MLXIPL: variants seen among roughly 807,000 people sequenced by gnomAD.
MLXIPL encodes the protein MLX interacting protein like.
MLXIPL carries 49 observed loss-of-function variants against 81.5 expected under a neutral mutation model. The ratio of observed to expected loss-of-function variants is 0.60; its 90% CI spans 0.48 to 0.76. MLXIPL has a LOEUF of 0.76. MLXIPL is among the 30% of genes least tolerant of loss of function. MLXIPL has a pLI of 0.00. For synonymous variants in MLXIPL, 466 were observed against 485.5 expected (o/e 0.96, Z 0.53); for missense variants, 1,053 against 1,167.0 (o/e 0.90, Z 1.42).
intron 2 of MLXIPL, among the ~76,000 whole-genome samples, 164 bp downstream of exon 2, chr7:73,615,907 T>G: frequency 7.6e-6 from 1 of 132,334 alleles, no homozygotes; most frequent in Non-Finnish European, 1.6e-5. Flanking sequence ...AGCAAGACTG[T>G]GTCTCAAAAA....
intron 14 of MLXIPL, 29 bp downstream of exon 14, chr7:73,595,813 G>C: frequency 1.3e-6 from 2 of 1,587,214 alleles, no homozygotes; most frequent in Admixed American, 1.8e-5. Flanking sequence ...TGGCCCCCTG[G>C]TCCCAGCACC....
chr7:73,628,062 C>A (rs1796780595), upstream of MLXIPL, among the ~76,000 whole-genome samples: 1 of 151,966 alleles, frequency 6.6e-6, no homozygotes, highest in Non-Finnish European at 1.5e-5. Context: ...GCTCAAGCGA[C>A]CCTTCCACCA....
intron 1 of MLXIPL, among the ~76,000 whole-genome samples, chr7:73,617,016 T>C (rs1796046151): frequency 6.6e-6 from 1 of 152,000 alleles, no homozygotes; most frequent in African/African-American, 2.4e-5. Flanking sequence ...TGGTTTTTTT[T>C]GGTTTGCTTT....
rs1796537773 is a variant in MLXIPL at position 73,623,797 on chromosome 7, G to A, written c.293+403C>T. ...AGAAGGCCGAGGCCTGCAGGGGGTC[G>A]GGTGGAGTGGCTCCAGAGTGGAGAG... On this transcript the variant is annotated intron_variant, in intron 1 of 16. Coordinates refer to ENST00000313375, the MANE Select transcript of MLXIPL (RefSeq NM_032951.3). This position sits in a 1 kb window ranked among gnomAD's most constrained non-coding sequence, Gnocchi z 5.7. Among the ~76,000 whole-genome samples, 2 of 152,046 alleles carry A rather than the reference G, an allele frequency of 1.3e-5. No individual in the cohort carries two copies. The highest frequency in any genetic ancestry group is 1.9e-4 in the East Asian group (1 of 5,158).
intron 2 of MLXIPL, among the ~76,000 whole-genome samples, chr7:73,608,643 C>G (rs555121828): frequency 6.6e-6 from 1 of 152,132 alleles, no homozygotes; most frequent in Non-Finnish European, 1.5e-5. Context: ...GGGCCTAGAG[C>G]CTTGGGTCCT....
intron 2 of MLXIPL, among the ~76,000 whole-genome samples, chr7:73,613,341 G>A (rs1007648677): frequency 1.2e-4 from 19 of 152,184 alleles, no homozygotes; most frequent in African/African-American, 4.6e-4. Flanking sequence ...GCTCATGCCT[G>A]TAATCCCAGC....
intron 1 of MLXIPL, among the ~76,000 whole-genome samples, chr7:73,620,263 G>A (rs546018694): frequency 6.6e-6 from 1 of 151,302 alleles, no homozygotes; most frequent in African/African-American, 2.4e-5. Flanking sequence ...AATTAGCCGG[G>A]CATGGTGGTG....
intron 7 of MLXIPL, among the ~76,000 whole-genome samples, chr7:73,604,470 G>A (rs903426569): frequency 5.9e-5 from 9 of 152,038 alleles, no homozygotes; most frequent in Non-Finnish European, 1.2e-4. Flanking sequence ...CTACTCGGGA[G>A]GCTGAGGTGG....
the MLXIPL span, among the ~76,000 whole-genome samples, chr7:73,635,533 TTCCA>T: frequency 0.011 from 1,637 of 151,474 alleles, 17 homozygotes; most frequent in African/African-American, 0.032. Flanking sequence ...CCATCTCTTC[TTCCA>T]TCCATCCATC....
intron 7 of MLXIPL, 33 bp downstream of exon 7, chr7:73,605,655 C>T (rs782789466): frequency 7.4e-5 from 119 of 1,609,906 alleles, no homozygotes; most frequent in Middle Eastern, 3.9e-4. Context: ...AGACCCTGCC[C>T]GTCCACCCGA....
rs371830732 is a variant in MLXIPL at position 73,615,962 on chromosome 7, C to T, written c.400+109G>A. 43 of 833,738 alleles carry T rather than the reference C, an allele frequency of 5.2e-5. No homozygotes were observed. In the African/African-American group the frequency reaches 6.3e-4, roughly 12 times the overall value. 51.6% of individuals were successfully genotyped at this position (833,738 alleles called of 1,614,324 possible). On this transcript the variant is annotated intron_variant, in intron 2 of 16. Coordinates refer to ENST00000313375, the MANE Select transcript of MLXIPL (RefSeq NM_032951.3). ...TTGGCAGAACTCTGCTAGTGCTGGC[C>T]TTGAGGACCCCGGGGATTTTCCTGG...
Position 73,605,697 on chromosome 7 carries a change from CCATGAAGT to C in MLXIPL, c.884_891del (p.Asp295GlyfsTer31). The C allele has an allele frequency of 1.9e-6, 3 of 1,613,596 alleles. No homozygotes were observed. The highest frequency in any genetic ancestry group is 2.5e-6 in the Non-Finnish European group (3 of 1,179,898). On this transcript the variant is annotated frameshift_variant, in exon 7 of 17. Transcript: ENST00000313375. LOFTEE classifies it high-confidence loss of function. ...GAGGGGCTCGCCCCACCTGAGATGT[CCATGAAGT>C]CATCCAGGCTTGGCTGCAGTGGCGT...
chr7:73,618,220 C>T (rs1293906366), intron 1 of MLXIPL, among the ~76,000 whole-genome samples: 2 of 152,206 alleles, frequency 1.3e-5, no homozygotes, highest in Non-Finnish European at 2.9e-5. Flanking sequence ...CCTCAGCCCC[C>T]TGAGTAGCTG....
At chr7:73,619,539 A>C (rs898886826) in intron 1 of MLXIPL, among the ~76,000 whole-genome samples, 18 of 151,094 alleles carry the variant, frequency 1.2e-4, no homozygotes, top group Admixed American at 5.9e-4. Context: ...TGCAGTGGGA[A>C]GATCGCTTGA....
chr7:73,607,803 G>A, intron 2 of MLXIPL, 131 bp from the exon 3 acceptor site: 1 of 690,458 alleles, frequency 1.4e-6, no homozygotes, highest in East Asian at 2.7e-5. Context: ...TGCCCATGCT[G>A]CCTCCTCCAG....
upstream of MLXIPL, chr7:73,624,596 C>G: frequency 7.2e-7 from 1 of 1,396,748 alleles, no homozygotes. Flanking sequence ...ACACCATAGG[C>G]CGATCGGGTG....
rs545064566 is a variant in MLXIPL at position 73,593,836 on chromosome 7, G to T, written c.*29C>A. ...CCCAGGGAAAGCAGCCCCCAGGGCA[G>T]CTGAGTGAGCAGCAGGGTCTGGCCA... On this transcript the variant is annotated 3_prime_UTR_variant, in exon 17 of 17. Coordinates refer to ENST00000313375, the MANE Select transcript of MLXIPL (RefSeq NM_032951.3). 1.3e-5 allele frequency: 20 copies of T among 1,581,450 alleles called. No homozygotes were observed. The South Asian group carries it at 1.8e-4, about 14-fold the overall frequency.
In MLXIPL at chr7:73,607,616, C is replaced by CA. The variant is rs782773791; in HGVS notation, c.456dup (p.Glu153Ter). The CA allele has an allele frequency of 6.2e-7, 1 of 1,613,398 alleles. No homozygotes were observed. The highest frequency in any genetic ancestry group is 8.5e-7 in the Non-Finnish European group (1 of 1,180,024). ...TCCGGCTTCCGGTGCGCATCAGCCT[C>CA]AGGCCCCTGCAGGGGGGTCACGAAG... On this transcript the variant is annotated frameshift_variant, in exon 3 of 17. Coordinates refer to ENST00000313375, the MANE Select transcript of MLXIPL (RefSeq NM_032951.3). LOFTEE classifies it high-confidence loss of function.
At chr7:73,612,987 T>C (rs1554600032) in intron 2 of MLXIPL, among the ~76,000 whole-genome samples, 1 of 151,872 alleles carries the variant, frequency 6.6e-6, no homozygotes, top group East Asian at 1.9e-4. Flanking sequence ...CGGTGCAAAG[T>C]GCCAGGGAGC....
Sources: allele counts gnomAD v4.1 joint callset (sites outside exome capture counted in the v4.1 genomes callset), GRCh38; gene constraint gnomAD v4.1.1; non-coding constraint Gnocchi (gnomAD v3.1); transcripts MANE v1.5; gene names NCBI Gene and HGNC (gene_info 2026-07-23, HGNC 2026-07-21).